The following PLEKHD1 variants were observed in gnomAD, a reference collection of about 807,000 sequenced individuals.
The protein encoded by PLEKHD1 is pleckstrin homology and coiled-coil domain containing D1, also known as pleckstrin homology domain-containing family D member 1.
PLEKHD1 carries 51 observed loss-of-function variants against 69.2 expected under a neutral mutation model. The ratio of observed to expected loss-of-function variants is 0.74; its 90% CI spans 0.59 to 0.93. The LOEUF (loss-of-function observed/expected upper bound fraction) is 0.93, where lower values mean the gene tolerates loss of function less well. PLEKHD1 is among the 40% of genes least tolerant of loss of function. The probability of loss-of-function intolerance (pLI) is 0.00; values close to 1 mark genes in which losing one functional copy is unlikely to be tolerated. For missense variants in PLEKHD1, 584 were observed against 641.0 expected (o/e 0.91, Z 0.96); for synonymous variants, 236 against 244.7 (o/e 0.96, Z 0.33).
intron 7 of PLEKHD1, among the ~76,000 whole-genome samples, chr14:69,523,330 A>T (rs1883564243): frequency 6.6e-6 from 1 of 152,156 alleles, no homozygotes; most frequent in Non-Finnish European, 1.5e-5. Flanking sequence ...CATCATCGTC[A>T]TCCTCATCCT....
chr14:69,512,528 A>G (rs1883293103), intron 6 of PLEKHD1, among the ~76,000 whole-genome samples: 1 of 151,430 alleles, frequency 6.6e-6, no homozygotes, highest in Non-Finnish European at 1.5e-5. Flanking sequence ...ATTTGATGCT[A>G]TGCATTTCTC....
At position 69,529,306 on chromosome 14, in the gene PLEKHD1, C is replaced by G. The variant is rs538680894; in HGVS notation, c.*887C>G. On this transcript the variant is annotated 3_prime_UTR_variant, in exon 13 of 13. Transcript: ENST00000322564. ...CTGTAATCCCAGCACTTTGAGAGGC[C>G]GAGGCGGGAGGATTACTTGAAGTCA... is the stretch of plus-strand genomic sequence containing the variant. 1 of 152,072 alleles carries G rather than the reference C, an allele frequency of 6.6e-6. No individual in the cohort carries two copies. The allele number at this position is 152,072 out of a possible 1,614,324, so 9.4% of individuals were successfully genotyped here. A position where few individuals can be genotyped will look rare whatever the true frequency, so the allele number is the denominator to read the frequency against.
At chr14:69,502,093 T>C in intron 5 of PLEKHD1, 2 of 321,770 alleles carry the variant, frequency 6.2e-6, no homozygotes, top group East Asian at 5.8e-5. Flanking sequence ...TGTATATCTT[T>C]AGGCAGCTCA....
At chr14:69,498,588 T>TTTCTCTTCCCTTCTCTTCTC (rs1882943479) in intron 1 of PLEKHD1, among the ~76,000 whole-genome samples, 3 of 108,584 alleles carry the variant, frequency 2.8e-5, no homozygotes, top group African/African-American at 1.1e-4. Flanking sequence ...TTCTTTTTGT[T>TTTCTCTTCCCTTCTCTTCTC]TTCTCTTCTC....
intron 6 of PLEKHD1, among the ~76,000 whole-genome samples, chr14:69,520,328 G>T (rs372953839): frequency 6.6e-6 from 1 of 152,006 alleles, no homozygotes; most frequent in Non-Finnish European, 1.5e-5. Flanking sequence ...GAGGTTTGTC[G>T]AATCTGAGGC....
chr14:69,514,072 A>G (rs1462566692), intron 6 of PLEKHD1, among the ~76,000 whole-genome samples: 1 of 152,008 alleles, frequency 6.6e-6, no homozygotes, highest in African/African-American at 2.4e-5. Flanking sequence ...TGGTTTGTTT[A>G]GGGCATTTAT....
At chr14:69,500,695 C>T in intron 3 of PLEKHD1, 29 bp downstream of exon 3, 1 of 1,547,278 alleles carries the variant, frequency 6.5e-7, no homozygotes, top group Non-Finnish European at 8.7e-7. Context: ...TCAGCCTGGG[C>T]TCCGCAGGAG....
chr14:69,526,242 C>T (rs1304159687), intron 9 of PLEKHD1, 120 bp downstream of exon 9: 7 of 1,073,178 alleles, frequency 6.5e-6, no homozygotes, highest in Non-Finnish European at 9.2e-6. Context: ...TCACTCACTT[C>T]CTTTTGCCTA....
At chr14:69,520,571 A>T (rs1322822505) in intron 6 of PLEKHD1, among the ~76,000 whole-genome samples, 1 of 151,938 alleles carries the variant, frequency 6.6e-6, no homozygotes, top group Non-Finnish European at 1.5e-5. Flanking sequence ...TCTACTAAAA[A>T]TACAAAAATT....
At chr14:69,501,644 A>T (rs772886409) in intron 4 of PLEKHD1, 90 bp from the exon 5 acceptor site, 1 of 981,474 alleles carries the variant, frequency 1.0e-6, no homozygotes, top group Non-Finnish European at 1.5e-6. Context: ...TACAAAACGT[A>T]TGCCTTCTCT....
chr14:69,510,662 C>T (rs1215972245), intron 6 of PLEKHD1, among the ~76,000 whole-genome samples: 3 of 152,140 alleles, frequency 2.0e-5, no homozygotes, highest in Non-Finnish European at 4.4e-5. Flanking sequence ...GTCAATTCTT[C>T]CAGATTTTCT....
At chr14:69,487,202 CACACACA>C (rs1566935113) in intron 1 of PLEKHD1, among the ~76,000 whole-genome samples, 1 of 151,724 alleles carries the variant, frequency 6.6e-6, no homozygotes, top group Non-Finnish European at 1.5e-5. Flanking sequence ...CACACACACA[CACACACA>C]CACACACACA....
the PLEKHD1 span, among the ~76,000 whole-genome samples, chr14:69,471,272 A>AT: frequency 6.6e-6 from 1 of 151,158 alleles, no homozygotes; most frequent in Non-Finnish European, 1.5e-5. Flanking sequence ...CTCCCGACTG[A>AT]TTTTTAAATT....
chr14:69,474,726 G>T, the PLEKHD1 span, among the ~76,000 whole-genome samples: 4 of 152,254 alleles, frequency 2.6e-5, no homozygotes, highest in African/African-American at 9.6e-5. Flanking sequence ...GGCCGTGTTT[G>T]GCTTTGCTCC....
Position 69,500,655 on chromosome 14 carries a change from C to T in PLEKHD1, c.322C>T (p.Gln108Ter), listed in dbSNP as rs1462681751. The change falls in exon 3 of 13, where the codon CAG (glutamine) becomes TAG (stop). Residue 108 changes from glutamine to a stop codon, truncating the protein, a stop_gained. Transcript: ENST00000322564. LOFTEE classifies it high-confidence loss of function. ...SMPYAMKISH[Q>*]DFHGNILLAA... ...GCCCTATGCCATGAAGATCTCCCAC[C>T]AGGACTTCCATGTGAGTAAAGCTCT... 2.6e-6 allele frequency: 4 copies of T among 1,551,390 alleles called. No homozygotes were observed. The highest frequency in any genetic ancestry group is 3.5e-6 in the Non-Finnish European group (4 of 1,146,860).
Position 69,528,654 on chromosome 14 carries a change from G to A in PLEKHD1, c.*235G>A. On this transcript the variant is annotated 3_prime_UTR_variant, in exon 13 of 13. Coordinates refer to ENST00000322564, the MANE Select transcript of PLEKHD1 (RefSeq NM_001161498.2). ...GTCCACACCAGGGCCATGCAGGCCT[G>A]AGCTGGGTGCTGGTTGTCATGGTGA... is the stretch of plus-strand genomic sequence containing the variant. 1.7e-6 allele frequency: 1 copy of A among 582,518 alleles called. No individual in the cohort carries two copies. The highest frequency in any genetic ancestry group is 2.9e-5 in the East Asian group (1 of 34,018). The allele number at this position is 582,518 out of a possible 1,614,324, so 36.1% of individuals were successfully genotyped here.
chr14:69,502,758 G>A, intron 5 of PLEKHD1, 69 bp from the exon 6 acceptor site: 1 of 1,544,326 alleles, frequency 6.5e-7, no homozygotes. Context: ...TCAGGCACCA[G>A]CTCCCTCAGG....
chr14:69,505,134 G>A (rs1285463681), intron 6 of PLEKHD1, among the ~76,000 whole-genome samples: 1 of 152,206 alleles, frequency 6.6e-6, no homozygotes, highest in East Asian at 1.9e-4. Context: ...AGGCCTGTCA[G>A]CTGTGAACTC....
At chr14:69,526,268 A>C in intron 9 of PLEKHD1, 146 bp downstream of exon 9, 1 of 874,316 alleles carries the variant, frequency 1.1e-6, no homozygotes, top group South Asian at 2.0e-5. Context: ...CTGTTTTCCC[A>C]CCAGGAAAGT....
Sources: gnomAD v4.1 joint callset for allele counts (sites outside exome capture counted in the v4.1 genomes callset) on GRCh38, gnomAD v4.1.1 for gene constraint, MANE v1.5 for transcripts, NCBI Gene and HGNC (gene_info 2026-07-23, HGNC 2026-07-21) for gene names.